Variants in RYR3 observed in about 807,000 individuals in gnomAD.
RYR3 encodes brain ryanodine receptor-calcium release channel.
RYR3 carries 207 observed loss-of-function variants against 584.3 expected under a neutral mutation model. The ratio of observed to expected loss-of-function variants is 0.35; its 90% CI spans 0.32 to 0.40. RYR3 has a LOEUF of 0.40. RYR3 is among the 10% of genes least tolerant of loss of function. RYR3 has a pLI of 1.00. For missense variants in RYR3, 5,616 were observed against 6,089.2 expected, an observed-to-expected ratio of 0.92 and a Z score of 2.59; for synonymous variants, 2,416 against 2,248.5, an observed-to-expected ratio of 1.07 and a Z score of -2.11.
chr15:33,637,682 TG>T (rs1260977155), intron 27 of RYR3, among the ~76,000 whole-genome samples: 1 of 152,264 alleles, frequency 6.6e-6, no homozygotes, highest in African/African-American at 2.4e-5. Context: ...TGAAACTGTG[TG>T]TATGTAATAT....
At chr15:33,444,499 T>C (rs973016439) in intron 1 of RYR3, among the ~76,000 whole-genome samples, 3 of 152,134 alleles carry the variant, frequency 2.0e-5, no homozygotes, top group East Asian at 1.9e-4. Flanking sequence ...GCTAGACATA[T>C]GGGGATGAAG....
intron 57 of RYR3, among the ~76,000 whole-genome samples, chr15:33,753,049 T>C (rs2071474816): frequency 2.6e-5 from 4 of 152,238 alleles, no homozygotes; most frequent in Admixed American, 2.6e-4. Context: ...TCATTGGTTC[T>C]GTTTGTGTGA....
intron 1 of RYR3, among the ~76,000 whole-genome samples, chr15:33,367,955 G>A (rs966606518): frequency 4.6e-5 from 7 of 152,040 alleles, no homozygotes; most frequent in South Asian, 2.1e-4. Context: ...ATTAATCTTC[G>A]TCTTGCTTCT....
At chr15:33,821,235 A>G in intron 78 of RYR3, 35 bp from the exon 79 acceptor site, 1 of 1,510,602 alleles carries the variant, frequency 6.6e-7, no homozygotes, top group Non-Finnish European at 8.9e-7. Context: ...GCTGGGTAGG[A>G]ACCAATCTTT....
chr15:33,837,857 T>G lies in RYR3; in HGVS notation c.11877T>G (p.Ile3959Met), dbSNP rs1254158436. ...AAAAACAGTACACGCAGTCAGAGAT[T>G]GACTTTCTCCTGTCGTGTGCAGAAG... ...EGQKQYTQSE[I>M]DFLLSCAEAD... The change falls in exon 89 of 104, where the codon ATT becomes ATG. Residue 3959 changes from isoleucine to methionine, a missense_variant. This residue lies in a region of RYR3 where 258 missense variants were observed against 297.3 expected (regional missense o/e 0.87). Coordinates refer to ENST00000634891, the MANE Select transcript of RYR3 (RefSeq NM_001036.6). 3.1e-6 allele frequency: 5 copies of G among 1,614,024 alleles called. No individual in the cohort carries two copies. The South Asian group carries it at 5.5e-5, about 18-fold the overall frequency.
rs1375357595 is a variant in RYR3, at chr15:33,696,127, T to C, written c.5861-91T>C. The C allele has an allele frequency of 3.2e-6, 4 of 1,243,046 alleles. No individual in the cohort carries two copies. The East Asian group carries it at 9.4e-5, about 29-fold the overall frequency. The allele number at this position is 1,243,046 out of a possible 1,614,324, so 77.0% of individuals were successfully genotyped here. On this transcript the variant is annotated intron_variant, in intron 38 of 103. Transcript: ENST00000634891. ...AGAATTTTGTAACCTCAACCAATGA[T>C]GTGTCTTCTATTTGCATGAAGTGGC...
chr15:33,662,974 G>T, intron 35 of RYR3, 26 bp downstream of exon 35: 2 of 1,591,262 alleles, frequency 1.3e-6, no homozygotes, highest in Non-Finnish European at 8.6e-7. Flanking sequence ...TTAAGTGGAG[G>T]CAGGTTAATA....
At chr15:33,544,942 C>G (rs901942035) in intron 8 of RYR3, among the ~76,000 whole-genome samples, 1 of 152,078 alleles carries the variant, frequency 6.6e-6, no homozygotes, top group African/African-American at 2.4e-5. Context: ...GTCGTGTGAT[C>G]CTGTTCACTT....
chr15:33,448,703 G>C (rs1428428854), intron 1 of RYR3, among the ~76,000 whole-genome samples: 1 of 152,166 alleles, frequency 6.6e-6, no homozygotes, highest in African/African-American at 2.4e-5. Flanking sequence ...AGTGCAGTTG[G>C]GCTCCTGGGG....
intron 49 of RYR3, among the ~76,000 whole-genome samples, 176 bp downstream of exon 49, chr15:33,736,501 G>C (rs572765159): frequency 6.6e-6 from 1 of 152,118 alleles, no homozygotes; most frequent in African/African-American, 2.4e-5. Flanking sequence ...CTTGAATGCC[G>C]AGGTTGAAGA....
chr15:33,465,359 C>A (rs962826673), intron 1 of RYR3, among the ~76,000 whole-genome samples: 1 of 151,950 alleles, frequency 6.6e-6, no homozygotes, highest in Non-Finnish European at 1.5e-5. Context: ...TTTTTGAAAA[C>A]CCACCTTGCT....
chr15:33,406,176 C>T (rs1285170258), intron 1 of RYR3, among the ~76,000 whole-genome samples: 1 of 152,136 alleles, frequency 6.6e-6, no homozygotes, highest in African/African-American at 2.4e-5. Flanking sequence ...CATAGAATAC[C>T]TTCTGTGCTT....
chr15:33,386,506 A>G (rs2596207), intron 1 of RYR3, among the ~76,000 whole-genome samples: 115,903 of 152,176 alleles, frequency 0.76, 44,263 homozygotes, highest in Non-Finnish European at 0.79. Flanking sequence ...AAGACAATGG[A>G]TAATGCCCCA....
At chr15:33,741,091 T>G (rs1014806831) in intron 51 of RYR3, among the ~76,000 whole-genome samples, 1 of 152,248 alleles carries the variant, frequency 6.6e-6, no homozygotes, top group African/African-American at 2.4e-5. Context: ...AACATTATAC[T>G]CTAGCAACTG....
Position 33,685,953 on chromosome 15 carries a change from G to A in RYR3, c.5861-10265G>A, listed in dbSNP as rs2064978179. On this transcript the variant is annotated intron_variant, in intron 38 of 103. Coordinates refer to ENST00000634891, the MANE Select transcript of RYR3 (RefSeq NM_001036.6). The stretch of plus-strand genomic sequence containing the variant: ...GACACATTTAAAGCAGTGTGTAGAG[G>A]GAAATTTATAGCACTAAATGCCCAC... Among the ~76,000 whole-genome samples, 2 of 152,130 alleles carry A rather than the reference G, an allele frequency of 1.3e-5. 1 individual carries two copies. Among genetic ancestry groups the A allele is most frequent in the Non-Finnish European group, 2.9e-5 (2 of 68,034 alleles).
At chr15:33,552,984 T>A (rs2056798573) in intron 10 of RYR3, among the ~76,000 whole-genome samples, 1 of 152,150 alleles carries the variant, frequency 6.6e-6, no homozygotes, top group Non-Finnish European at 1.5e-5. Context: ...GGGCACTGAA[T>A]CATCTCGCCA....
chr15:33,802,226 C>T, intron 69 of RYR3: 2 of 549,832 alleles, frequency 3.6e-6, no homozygotes, highest in Non-Finnish European at 6.9e-6. Context: ...TGAGAGGTCT[C>T]CAAAACAAAA....
chr15:33,776,216 G>A (rs2073983673), intron 64 of RYR3, among the ~76,000 whole-genome samples: 1 of 152,124 alleles, frequency 6.6e-6, no homozygotes, highest in South Asian at 2.1e-4. Context: ...TGACTGTGAG[G>A]GGCAAAGTCA....
Position 33,472,772 on chromosome 15 carries a change from G to A in RYR3, c.52-647G>A, listed in dbSNP as rs1446520974. The stretch of plus-strand genomic sequence containing the variant: ...TTTAGGAGGGAGGTCTACTCCTTGA[G>A]AATTCAGAGCAGTTCTTCTACTTGA... On this transcript the variant is annotated intron_variant, in intron 1 of 103. Coordinates refer to ENST00000634891, the MANE Select transcript of RYR3 (RefSeq NM_001036.6). Among the ~76,000 whole-genome samples the A allele has an allele frequency of 6.6e-5, 10 of 152,138 alleles. 1 individual carries two copies. The highest frequency in any genetic ancestry group is 1.5e-4 in the Non-Finnish European group (10 of 68,024).
Sources: gnomAD v4.1 joint callset for allele counts (sites outside exome capture counted in the v4.1 genomes callset) on GRCh38, gnomAD v4.1.1 for gene constraint, gnomAD v4.1.1 regional missense constraint, MANE v1.5 for transcripts, NCBI Gene and HGNC (gene_info 2026-07-23, HGNC 2026-07-21) for gene names.